The following NPAS3 variants were observed in gnomAD, a reference collection of about 807,000 sequenced individuals.
The protein encoded by NPAS3 is neuronal PAS domain protein 3.
In NPAS3, 14 loss-of-function variants were observed where a neutral mutation model predicts 73.1. The ratio of observed to expected loss-of-function variants is 0.19; its 90% CI spans 0.13 to 0.30. NPAS3 has a LOEUF of 0.30. NPAS3 is among the 10% of genes least tolerant of loss of function. The pLI is 1.00. For synonymous variants in NPAS3, 620 were observed against 541.5 expected (o/e 1.14, Z -2.01); for missense variants, 1,096 against 1,250.0 (o/e 0.88, Z 1.86).
chr14:33,304,850 A>G (rs771855555), intron 3 of NPAS3, among the ~76,000 whole-genome samples: 1 of 152,178 alleles, frequency 6.6e-6, no homozygotes, highest in Non-Finnish European at 1.5e-5. Context: ...TGAAATTATT[A>G]TATAAGTTTT....
intron 3 of NPAS3, among the ~76,000 whole-genome samples, chr14:33,298,089 C>T (rs562688616): frequency 2.0e-5 from 3 of 152,250 alleles, no homozygotes; most frequent in Admixed American, 2.0e-4. Context: ...CGAGACCAGC[C>T]TGGCCAACAT....
intron 5 of NPAS3, among the ~76,000 whole-genome samples, chr14:33,654,991 A>G (rs2059103424): frequency 6.6e-6 from 1 of 152,210 alleles, no homozygotes; most frequent in Non-Finnish European, 1.5e-5. Flanking sequence ...GCTATAGGTG[A>G]TTTACACACA....
At chr14:33,524,861 T>C (rs113115344) in intron 4 of NPAS3, among the ~76,000 whole-genome samples, 2,110 of 152,280 alleles carry the variant, frequency 0.014, 49 homozygotes, top group African/African-American at 0.048. Context: ...TCATGTGTCA[T>C]TCACCGTGTG....
At chr14:33,433,317 T>C (rs1014310297) in intron 4 of NPAS3, among the ~76,000 whole-genome samples, 5 of 152,206 alleles carry the variant, frequency 3.3e-5, no homozygotes, top group African/African-American at 7.2e-5. Flanking sequence ...TATAGTCCCA[T>C]GTACATTTAG....
At chr14:33,669,371 C>A (rs2059547043) in intron 5 of NPAS3, among the ~76,000 whole-genome samples, 1 of 152,148 alleles carries the variant, frequency 6.6e-6, no homozygotes, top group Non-Finnish European at 1.5e-5. Flanking sequence ...TTTAAAATTT[C>A]TTGGTTTAGT....
chr14:33,503,499 T>G (rs1022268700), intron 4 of NPAS3, among the ~76,000 whole-genome samples: 1 of 151,912 alleles, frequency 6.6e-6, no homozygotes, highest in Non-Finnish European at 1.5e-5. Flanking sequence ...ACCTTTGGAT[T>G]CCACAGCGCC....
At chr14:32,997,790 G>T (rs1330576256) in intron 1 of NPAS3, among the ~76,000 whole-genome samples, 1 of 150,266 alleles carries the variant, frequency 6.7e-6, no homozygotes, top group Admixed American at 6.6e-5. Context: ...GATGTGACTT[G>T]CTCCTCCTTG....
Position 33,800,301 on chromosome 14 carries a change from G to A in NPAS3, c.1994G>A (p.Trp665Ter). ...AATTTCGACAATGACAGCAGCATCT[G>A]GAACTACCCGCCCAACCGGGAGATC... The change falls in exon 12 of 12, where the codon TGG (tryptophan) becomes TAG (stop). Residue 665 changes from tryptophan (W) to a stop codon, truncating the protein, a stop_gained. Transcript: ENST00000356141. LOFTEE classifies it high-confidence loss of function. The surrounding 1 kb of genome is among the most constrained non-coding windows in gnomAD (Gnocchi z 6.5). 1.2e-6 allele frequency: 2 copies of A among 1,613,434 alleles called. No individual in the cohort carries two copies. Among genetic ancestry groups the A allele is most frequent in the Non-Finnish European group, 1.7e-6 (2 of 1,179,648 alleles).
chr14:33,248,939 A>G (rs2048482118), intron 3 of NPAS3, among the ~76,000 whole-genome samples: 1 of 152,096 alleles, frequency 6.6e-6, no homozygotes, highest in African/African-American at 2.4e-5. Flanking sequence ...TACTTTCTTC[A>G]TGTTATTCTT....
intron 5 of NPAS3, among the ~76,000 whole-genome samples, chr14:33,675,409 T>C (rs2059732848): frequency 6.6e-6 from 1 of 152,162 alleles, no homozygotes; most frequent in Non-Finnish European, 1.5e-5. Flanking sequence ...GCTGAAACAG[T>C]TCTGATATTT....
chr14:33,538,622 A>G (rs1451776585), intron 4 of NPAS3, among the ~76,000 whole-genome samples: 1 of 152,226 alleles, frequency 6.6e-6, no homozygotes, highest in Non-Finnish European at 1.5e-5. Context: ...GAGAATTATT[A>G]TTATTAATAT....
intron 4 of NPAS3, among the ~76,000 whole-genome samples, chr14:33,383,665 C>G (rs1594807195): frequency 6.6e-6 from 1 of 152,222 alleles, no homozygotes; most frequent in African/African-American, 2.4e-5. Flanking sequence ...CAAGTCAAAC[C>G]CCTTTGAAAG....
At chr14:33,117,876 C>G (rs2043117109) in intron 2 of NPAS3, among the ~76,000 whole-genome samples, 1 of 152,072 alleles carries the variant, frequency 6.6e-6, no homozygotes, top group African/African-American at 2.4e-5. Flanking sequence ...GTCAGTGACT[C>G]ATTTTTCCCT....
intron 2 of NPAS3, among the ~76,000 whole-genome samples, chr14:33,143,241 C>G (rs148504564): frequency 6.6e-6 from 1 of 152,216 alleles, no homozygotes. Flanking sequence ...CCTGTAATCA[C>G]AGCACTTTGG....
At chr14:33,010,607 CA>C (rs1566462256) in intron 1 of NPAS3, among the ~76,000 whole-genome samples, 1 of 152,034 alleles carries the variant, frequency 6.6e-6, no homozygotes, top group Non-Finnish European at 1.5e-5. Context: ...TTTCTGGTTG[CA>C]AAAACATCAC....
chr14:33,236,322 T>C (rs975958347), intron 3 of NPAS3, among the ~76,000 whole-genome samples: 1 of 152,114 alleles, frequency 6.6e-6, no homozygotes, highest in African/African-American at 2.4e-5. Context: ...GCACAGCAGC[T>C]GTCTACTTGA....
chr14:33,079,705 A>T (rs1566538119), intron 2 of NPAS3, among the ~76,000 whole-genome samples: 1 of 124,726 alleles, frequency 8.0e-6, no homozygotes, highest in South Asian at 2.7e-4. Flanking sequence ...TCTGCTTCCC[A>T]GGTTCAAGTG....
At chr14:33,727,579 T>C (rs1340200450) in intron 6 of NPAS3, among the ~76,000 whole-genome samples, 1 of 151,196 alleles carries the variant, frequency 6.6e-6, no homozygotes, top group Non-Finnish European at 1.5e-5. Flanking sequence ...TAAGTCCTGA[T>C]GCCCTTTGTC....
chr14:33,792,894 G>T (rs551761056), intron 9 of NPAS3, among the ~76,000 whole-genome samples: 1 of 152,212 alleles, frequency 6.6e-6, no homozygotes, highest in Middle Eastern at 3.2e-3. Context: ...GAGCTTTCGC[G>T]GGGCGCCGAG....
Sources: gnomAD v4.1 joint callset for allele counts (sites outside exome capture counted in the v4.1 genomes callset) on GRCh38, gnomAD v4.1.1 for gene constraint, Gnocchi (gnomAD v3.1) non-coding constraint, MANE v1.5 for transcripts, NCBI Gene and HGNC (gene_info 2026-07-23, HGNC 2026-07-21) for gene names.